Variants in PTPRR observed in about 807,000 individuals in gnomAD.
The protein encoded by PTPRR is protein tyrosine phosphatase receptor type R.
In PTPRR, 38 loss-of-function variants were observed where a neutral mutation model predicts 77.2. The ratio of observed to expected loss-of-function variants is 0.49; its 90% CI spans 0.38 to 0.65. PTPRR has a LOEUF of 0.65. Ranked by LOEUF, PTPRR falls within the 30% of genes least tolerant of loss-of-function variation. The probability of loss-of-function intolerance (pLI) is 0.00; values close to 1 mark genes in which losing one functional copy is unlikely to be tolerated. For missense variants in PTPRR, 744 were observed against 799.2 expected, an observed-to-expected ratio of 0.93 and a Z score of 0.83; for synonymous variants, 299 against 283.1, an observed-to-expected ratio of 1.06 and a Z score of -0.57.
At chr12:70,654,822 G>C (rs1399427322) in intron 13 of PTPRR, among the ~76,000 whole-genome samples, 1 of 152,184 alleles carries the variant, frequency 6.6e-6, no homozygotes, top group African/African-American at 2.4e-5. Flanking sequence ...TTTGCTGTTT[G>C]TTTTTAGAGA....
intron 10 of PTPRR, among the ~76,000 whole-genome samples, chr12:70,679,403 C>T (rs975482605): frequency 6.6e-6 from 1 of 152,034 alleles, no homozygotes; most frequent in African/African-American, 2.4e-5. Flanking sequence ...CTGTTAGGTC[C>T]AATTGGTCTA....
chr12:70,718,836 A>G (rs1252717119), intron 6 of PTPRR, among the ~76,000 whole-genome samples: 1 of 152,238 alleles, frequency 6.6e-6, no homozygotes, highest in Non-Finnish European at 1.5e-5. Flanking sequence ...ACATATTTAT[A>G]CCATTTTGCA....
chr12:70,754,569 C>G, intron 4 of PTPRR: 1 of 1,596,630 alleles, frequency 6.3e-7, no homozygotes, highest in Non-Finnish European at 8.5e-7. Flanking sequence ...CCCTCAGCGT[C>G]TCTCTTGGAA....
At position 70,862,454 on chromosome 12, in the gene PTPRR, G is replaced by A. The variant is rs982470284; in HGVS notation, c.357+30225C>T. Among the ~76,000 whole-genome samples, 6 of 151,782 alleles carry A rather than the reference G, an allele frequency of 4.0e-5. No individual in the cohort carries two copies. In the East Asian group the frequency reaches 5.8e-4, roughly 15 times the overall value. The stretch of plus-strand genomic sequence containing the variant: ...TGTCCTTTGTAGGGACATGGATGAA[G>A]TTGGAAATCATCATTCTCAGTAAAC... On this transcript the variant is annotated intron_variant, in intron 2 of 13. Coordinates refer to ENST00000283228, the MANE Select transcript of PTPRR (RefSeq NM_002849.4).
At chr12:70,893,440 A>G (rs993490294) in intron 1 of PTPRR, among the ~76,000 whole-genome samples, 2 of 151,912 alleles carry the variant, frequency 1.3e-5, no homozygotes, top group Non-Finnish European at 2.9e-5. Flanking sequence ...TCACGCTTAC[A>G]GAGTATTTAA....
At chr12:70,671,543 A>G (rs1464043706) in intron 10 of PTPRR, among the ~76,000 whole-genome samples, 1 of 152,222 alleles carries the variant, frequency 6.6e-6, no homozygotes, top group Non-Finnish European at 1.5e-5. Flanking sequence ...AAAGAAAAAA[A>G]TTAAAACTTC....
chr12:70,651,783 A>G (rs984306373), intron 13 of PTPRR, among the ~76,000 whole-genome samples: 1 of 152,222 alleles, frequency 6.6e-6, no homozygotes, highest in Admixed American at 6.5e-5. Flanking sequence ...GATAAAGATC[A>G]GAGAAATAAT....
chr12:70,902,031 AG>A (rs1203981157), intron 1 of PTPRR, among the ~76,000 whole-genome samples: 1 of 151,562 alleles, frequency 6.6e-6, no homozygotes, highest in Admixed American at 6.6e-5. Flanking sequence ...TCTCAAAAGA[AG>A]GTATACAAAT....
At chr12:70,692,242 C>T (rs1320976793) in intron 8 of PTPRR, among the ~76,000 whole-genome samples, 1 of 152,100 alleles carries the variant, frequency 6.6e-6, no homozygotes, top group Non-Finnish European at 1.5e-5. Flanking sequence ...ACTGTATTTA[C>T]ATACTTAACT....
intron 5 of PTPRR, among the ~76,000 whole-genome samples, chr12:70,751,595 A>T (rs529390649): frequency 1.1e-4 from 17 of 152,280 alleles, no homozygotes; most frequent in African/African-American, 4.1e-4. Flanking sequence ...ATTCACCCAT[A>T]GGTCTCAAAC....
intron 6 of PTPRR, among the ~76,000 whole-genome samples, chr12:70,739,273 C>G (rs921930264): frequency 6.6e-6 from 1 of 152,014 alleles, no homozygotes; most frequent in Non-Finnish European, 1.5e-5. Flanking sequence ...TCAAAGACAC[C>G]ATGCCATTTT....
intron 2 of PTPRR, among the ~76,000 whole-genome samples, chr12:70,847,112 G>A (rs1018108046): frequency 1.3e-5 from 2 of 152,128 alleles, no homozygotes; most frequent in Admixed American, 1.3e-4. Context: ...CGCCTGACAC[G>A]AGAACTTGGA....
At chr12:70,824,349 AATCAGAGGAATAC>A (rs1001917420) in intron 2 of PTPRR, among the ~76,000 whole-genome samples, 10 of 152,206 alleles carry the variant, frequency 6.6e-5, no homozygotes, top group African/African-American at 2.4e-4. Context: ...ATACTTTTTC[AATCAGAGGAATAC>A]ATAATTTTGA....
chr12:70,771,216 G>T (rs1320313558), intron 2 of PTPRR, among the ~76,000 whole-genome samples: 1 of 151,676 alleles, frequency 6.6e-6, no homozygotes, highest in Non-Finnish European at 1.5e-5. Flanking sequence ...GGAACATTAT[G>T]CAGCCATAAA....
At chr12:70,897,110 A>G (rs750757213) in intron 1 of PTPRR, among the ~76,000 whole-genome samples, 3 of 151,954 alleles carry the variant, frequency 2.0e-5, no homozygotes, top group Non-Finnish European at 2.9e-5. Context: ...CTTCATGTCT[A>G]AAACACCAAA....
chr12:70,757,727 A>G (rs1412492761), intron 4 of PTPRR, among the ~76,000 whole-genome samples: 2 of 152,248 alleles, frequency 1.3e-5, no homozygotes, highest in Admixed American at 1.3e-4. Context: ...ACGATGTTCT[A>G]TAATTCATGC....
intron 6 of PTPRR, among the ~76,000 whole-genome samples, chr12:70,719,146 A>G (rs1889145620): frequency 6.6e-6 from 1 of 152,178 alleles, no homozygotes. Context: ...CATTTTTGAC[A>G]AGAACTCTCG....
intron 2 of PTPRR, among the ~76,000 whole-genome samples, chr12:70,869,467 A>C (rs1371147866): frequency 6.6e-6 from 1 of 152,220 alleles, no homozygotes; most frequent in African/African-American, 2.4e-5. Flanking sequence ...GGAGAAATCA[A>C]CAGGGTTAGC....
At chr12:70,818,235 C>CAAAAAA (rs34025995) in intron 2 of PTPRR, among the ~76,000 whole-genome samples, 3 of 68,666 alleles carry the variant, frequency 4.4e-5, no homozygotes, top group African/African-American at 5.7e-5. Flanking sequence ...AACTCCGTCT[C>CAAAAAA]AAAAAAAAAA....
Sources: gnomAD v4.1 joint callset for allele counts (sites outside exome capture counted in the v4.1 genomes callset) on GRCh38, gnomAD v4.1.1 for gene constraint, MANE v1.5 for transcripts, NCBI Gene and HGNC (gene_info 2026-07-23, HGNC 2026-07-21) for gene names.